The following ZBTB7C variants were observed in gnomAD, a reference collection of about 807,000 sequenced individuals.
The protein encoded by ZBTB7C is zinc finger and BTB domain containing 7C.
Under a neutral mutation model 25.7 loss-of-function variants are expected in ZBTB7C, and 8 were observed. The observed-to-expected ratio is 0.31, with a 90% CI of 0.18 to 0.56. ZBTB7C has a LOEUF of 0.56. Ranked by LOEUF, ZBTB7C falls within the 20% of genes least tolerant of loss-of-function variation. ZBTB7C has a pLI of 0.91. For missense variants in ZBTB7C, 824 were observed against 855.2 expected (o/e 0.96, Z 0.46); for synonymous variants, 394 against 369.0 (o/e 1.07, Z -0.78).
At chr18:48,146,525 C>T (rs78384219) in intron 3 of ZBTB7C, among the ~76,000 whole-genome samples, 25,963 of 152,050 alleles carry the variant, frequency 0.17, 2,334 homozygotes, top group South Asian at 0.25. Context: ...ATAAAAAATG[C>T]AAAATGATAT....
intron 3 of ZBTB7C, among the ~76,000 whole-genome samples, chr18:48,051,269 G>A (rs1287399930): frequency 6.6e-6 from 1 of 152,254 alleles, no homozygotes. Context: ...CAAGGGATGG[G>A]CAGATGGGTG....
chr18:48,249,974 T>C (rs1214666287), intron 2 of ZBTB7C, among the ~76,000 whole-genome samples: 2 of 152,220 alleles, frequency 1.3e-5, no homozygotes, highest in African/African-American at 4.8e-5. Context: ...AATGTGTTTT[T>C]GCCTTGGCCG....
intron 2 of ZBTB7C, among the ~76,000 whole-genome samples, chr18:48,293,492 T>G (rs986659793): frequency 6.6e-6 from 1 of 152,228 alleles, no homozygotes; most frequent in Admixed American, 6.5e-5. Context: ...CACTTAGTAT[T>G]GTTTGCAGCA....
intron 3 of ZBTB7C, among the ~76,000 whole-genome samples, chr18:48,173,215 T>C (rs1365602456): frequency 2.0e-5 from 3 of 152,162 alleles, no homozygotes; most frequent in African/African-American, 7.2e-5. Context: ...GTAGATCCCC[T>C]CAAAGTCCAA....
At chr18:48,079,427 C>T (rs535386156) in intron 3 of ZBTB7C, among the ~76,000 whole-genome samples, 5 of 152,250 alleles carry the variant, frequency 3.3e-5, no homozygotes, top group Non-Finnish European at 5.9e-5. Flanking sequence ...ACTATCCCAT[C>T]TCAGAGATTC....
chr18:48,355,970 G>A (rs1268758374), intron 1 of ZBTB7C, among the ~76,000 whole-genome samples: 1 of 152,156 alleles, frequency 6.6e-6, no homozygotes, highest in Non-Finnish European at 1.5e-5. Context: ...TCCTGGGCCA[G>A]CATCCACAGC....
intron 2 of ZBTB7C, among the ~76,000 whole-genome samples, chr18:48,229,970 C>G (rs1599148732): frequency 1.3e-5 from 2 of 152,314 alleles, no homozygotes; most frequent in Non-Finnish European, 1.5e-5. Context: ...CAGCCACCCC[C>G]ACCTCCCTCC....
intron 2 of ZBTB7C, among the ~76,000 whole-genome samples, chr18:48,326,519 T>C (rs552580514): frequency 6.6e-6 from 1 of 152,212 alleles, no homozygotes; most frequent in South Asian, 2.1e-4. Context: ...AAATTGGAAA[T>C]GACCCAAGTC....
chr18:48,239,013 T>G (rs1431475157), intron 2 of ZBTB7C, among the ~76,000 whole-genome samples: 1 of 152,176 alleles, frequency 6.6e-6, no homozygotes. Flanking sequence ...AGCCTGTCAC[T>G]GATGGCTTTC....
chr18:48,281,327 T>G (rs2044841489), intron 2 of ZBTB7C, among the ~76,000 whole-genome samples: 1 of 152,136 alleles, frequency 6.6e-6, no homozygotes, highest in Non-Finnish European at 1.5e-5. Context: ...GATTAAAGAC[T>G]TAAACATTAG....
intron 1 of ZBTB7C, among the ~76,000 whole-genome samples, chr18:48,339,085 T>C (rs557641896): frequency 2.6e-5 from 4 of 152,364 alleles, no homozygotes; most frequent in Admixed American, 2.6e-4. Flanking sequence ...TTGTGCCTTA[T>C]GCTGTGTCAG....
At chr18:48,303,242 T>A (rs1230116857) in intron 2 of ZBTB7C, among the ~76,000 whole-genome samples, 1 of 152,162 alleles carries the variant, frequency 6.6e-6, no homozygotes, top group Non-Finnish European at 1.5e-5. Flanking sequence ...AAGCCAGTCA[T>A]AACAGTCAAA....
At chr18:48,300,364 G>C (rs1358374903) in intron 2 of ZBTB7C, among the ~76,000 whole-genome samples, 2 of 152,144 alleles carry the variant, frequency 1.3e-5, no homozygotes, top group Non-Finnish European at 2.9e-5. Context: ...GTGAAACAGA[G>C]CTTTACTAGC....
intron 3 of ZBTB7C, among the ~76,000 whole-genome samples, chr18:48,050,292 C>T (rs79797910): frequency 0.079 from 11,984 of 152,236 alleles, 543 homozygotes; most frequent in Non-Finnish European, 0.094. Flanking sequence ...CACCCCTTGG[C>T]CCTGGAATGC....
At chr18:48,346,346 A>AT (rs1419705018) in intron 1 of ZBTB7C, among the ~76,000 whole-genome samples, 2 of 152,064 alleles carry the variant, frequency 1.3e-5, no homozygotes, top group Non-Finnish European at 2.9e-5. Flanking sequence ...TTCTTCTTCT[A>AT]TCCACCCCTT....
At chr18:48,152,424 T>C (rs1390844527) in intron 3 of ZBTB7C, among the ~76,000 whole-genome samples, 1 of 152,162 alleles carries the variant, frequency 6.6e-6, no homozygotes, top group Non-Finnish European at 1.5e-5. Context: ...TAGGGAAAGA[T>C]AAAATAATCA....
chr18:48,297,766 G>T (rs981890485), intron 2 of ZBTB7C, among the ~76,000 whole-genome samples: 7 of 152,178 alleles, frequency 4.6e-5, no homozygotes, highest in Non-Finnish European at 8.8e-5. Context: ...GCAGAAACAT[G>T]AACTTCATGA....
intron 3 of ZBTB7C, among the ~76,000 whole-genome samples, chr18:48,170,270 C>T (rs2041424737): frequency 6.6e-6 from 1 of 152,248 alleles, no homozygotes. Flanking sequence ...GCCAAAGAAG[C>T]CCTCTACCCA....
At chr18:48,293,965 C>T (rs1412314140) in intron 2 of ZBTB7C, among the ~76,000 whole-genome samples, 2 of 152,178 alleles carry the variant, frequency 1.3e-5, no homozygotes, top group East Asian at 3.9e-4. Context: ...AATGAACAAG[C>T]TGGAGATCAG....
Sources: allele counts gnomAD v4.1 joint callset (sites outside exome capture counted in the v4.1 genomes callset), GRCh38; gene constraint gnomAD v4.1.1; transcripts MANE v1.5; gene names NCBI Gene and HGNC (gene_info 2026-07-23, HGNC 2026-07-21).